The following TMEM131 variants were observed in gnomAD, a reference collection of about 807,000 sequenced individuals.
TMEM131 encodes 2610524E03Rik.
In TMEM131, 66 loss-of-function variants were observed where a neutral mutation model predicts 211.6. The observed-to-expected ratio is 0.31, with a 90% CI of 0.26 to 0.38. The LOEUF (loss-of-function observed/expected upper bound fraction) is 0.38, where lower values mean the gene tolerates loss of function less well. Ranked by LOEUF, TMEM131 falls within the 10% of genes least tolerant of loss-of-function variation. The pLI, the probability that TMEM131 is intolerant of heterozygous loss-of-function variation, is 1.00. For missense variants in TMEM131, 2,036 were observed against 2,299.3 expected, an observed-to-expected ratio of 0.89 and a Z score of 2.34; for synonymous variants, 844 against 841.3, an observed-to-expected ratio of 1.00 and a Z score of -0.06.
At chr2:97,806,844 CTG>C (rs969280368) in intron 19 of TMEM131, among the ~76,000 whole-genome samples, 10 of 152,056 alleles carry the variant, frequency 6.6e-5, no homozygotes, top group African/African-American at 1.9e-4. Context: ...GGCGCAATGA[CTG>C]TGACACTGAG....
In TMEM131 at chr2:97,963,148, C is replaced by T. The variant is rs144568407; in HGVS notation, c.187+32328G>A. Among the ~76,000 whole-genome samples, 165 of 152,240 alleles carry T rather than the reference C, an allele frequency of 1.1e-3. 1 individual carries two copies. The highest frequency in any genetic ancestry group is 3.9e-3 in the African/African-American group (164 of 41,546). On this transcript the variant is annotated intron_variant, in intron 1 of 40. Transcript: ENST00000186436. The stretch of plus-strand genomic sequence containing the variant: ...GCACACTTCAAACTAGTGAATATTA[C>T]TGTATGCAAATTATACCTCAATAGA...
chr2:97,757,153 A>C lies in TMEM131; in HGVS notation c.5598T>G (p.Ile1866Met), dbSNP rs747125636. 5 of 1,613,256 alleles carry C rather than the reference A, an allele frequency of 3.1e-6. No homozygotes were observed. The highest frequency in any genetic ancestry group is 4.2e-6 in the Non-Finnish European group (5 of 1,179,462). The stretch of plus-strand genomic sequence containing the variant: ...ACCAAGGGTCCGAGCTTCTTCTTCC[A>C]ATCGTGGGGCTCCATATCCGCCACG... ...YNPWRIWSPT[I>M]GRRSSDPWSN... Residue 1866 changes from isoleucine to methionine, a missense_variant, in exon 41 of 41, where the codon ATT (isoleucine) becomes ATG (methionine). This residue lies in a region of TMEM131 where 1,623 missense variants were observed against 1,805.9 expected (regional missense o/e 0.90). Transcript: ENST00000186436.
At chr2:97,992,731 T>C (rs556262916) in intron 1 of TMEM131, among the ~76,000 whole-genome samples, 2 of 152,200 alleles carry the variant, frequency 1.3e-5, no homozygotes, top group African/African-American at 4.8e-5. Flanking sequence ...CACATACACA[T>C]GTATTTTCAC....
At chr2:97,966,831 A>C (rs1573627652) in intron 1 of TMEM131, among the ~76,000 whole-genome samples, 2 of 152,224 alleles carry the variant, frequency 1.3e-5, no homozygotes, top group Non-Finnish European at 2.9e-5. Context: ...TAACTTGCTC[A>C]AGGTCACAGT....
At position 97,792,409 on chromosome 2, in the gene TMEM131, G is replaced by A; in HGVS notation, c.4121C>T (p.Pro1374Leu). The A allele has an allele frequency of 1.9e-6, 3 of 1,585,150 alleles. No homozygotes were observed. Among genetic ancestry groups the A allele is most frequent in the Non-Finnish European group, 2.6e-6 (3 of 1,164,306 alleles). Residue 1374 changes from proline to leucine, a missense_variant, in exon 31 of 41, where the codon CCA becomes CTA. Coordinates refer to ENST00000186436, the MANE Select transcript of TMEM131 (RefSeq NM_015348.2). ...ACCTTTGCTTTTTGGCAATGGCGAT[G>A]GAGGCTGCTCTGTAAACACTTCTAG... ...PALEVFTEQP[P>L]SPLPKSKGKG...
rs190443871 is a variant in TMEM131, at chr2:97,875,389, C to G, written c.359+12663G>C. Among the ~76,000 whole-genome samples, 709 of 152,286 alleles carry G rather than the reference C, an allele frequency of 4.7e-3. 5 individuals carry two copies. Among genetic ancestry groups the G allele is most frequent in the South Asian group, 0.017 (84 of 4,818 alleles). Reference sequence around the variant, plus strand: ...AAACCTAATAGACATCTACAGAACTCTCCACCCCTAATCAACAGAATATAT... The same window carrying G: ...AAACCTAATAGACATCTACAGAACTGTCCACCCCTAATCAACAGAATATAT... On this transcript the variant is annotated intron_variant, in intron 4 of 40. Transcript: ENST00000186436.
At chr2:97,771,573 C>T (rs1679464240) in intron 33 of TMEM131, among the ~76,000 whole-genome samples, 1 of 152,236 alleles carries the variant, frequency 6.6e-6, no homozygotes, top group African/African-American at 2.4e-5. Flanking sequence ...GGGTAGACAG[C>T]AGCTCCCGTG....
chr2:97,894,744 T>C (rs1210183207), intron 3 of TMEM131, among the ~76,000 whole-genome samples: 1 of 152,226 alleles, frequency 6.6e-6, no homozygotes, highest in African/African-American at 2.4e-5. Flanking sequence ...TTGCTGAAGT[T>C]GCTTATCAGC....
Position 97,759,766 on chromosome 2 carries a change from G to A in TMEM131, c.5109-17C>T, listed in dbSNP as rs746213389. Reference sequence around the variant, plus strand: ...AAACCCGAGCTAAATGTTACAAGAGGAAAACGCAACACACAAAAATGTATG... The same window carrying A: ...AAACCCGAGCTAAATGTTACAAGAGAAAAACGCAACACACAAAAATGTATG... On this transcript the variant is annotated splice_polypyrimidine_tract_variant and intron_variant, in intron 38 of 40. Transcript: ENST00000186436. 6 of 1,597,190 alleles carry A rather than the reference G, an allele frequency of 3.8e-6. No homozygotes were observed. The highest frequency in any genetic ancestry group is 5.1e-6 in the Non-Finnish European group (6 of 1,169,126).
At chr2:97,889,780 A>G (rs1376212596) in intron 3 of TMEM131, among the ~76,000 whole-genome samples, 1 of 152,146 alleles carries the variant, frequency 6.6e-6, no homozygotes, top group African/African-American at 2.4e-5. Context: ...CATCCATTCA[A>G]TACAAATGTA....
chr2:97,897,830 G>C (rs977492238), intron 3 of TMEM131, among the ~76,000 whole-genome samples: 3 of 152,028 alleles, frequency 2.0e-5, no homozygotes. Flanking sequence ...TACCAGTTTA[G>C]TCATATGAGC....
At chr2:97,965,818 AC>A in intron 1 of TMEM131, among the ~76,000 whole-genome samples, 1 of 152,120 alleles carries the variant, frequency 6.6e-6, no homozygotes, top group East Asian at 1.9e-4. Flanking sequence ...GCTATTTTCT[AC>A]CTTTCTTTTG....
Position 97,995,633 on chromosome 2 carries a change from G to T in TMEM131, c.30C>A (p.Thr10=). The T allele has an allele frequency of 8.1e-7, 1 of 1,227,058 alleles. No homozygotes were observed. Among genetic ancestry groups the T allele is most frequent in the Non-Finnish European group, 1.0e-6 (1 of 984,196 alleles). 76.0% of individuals were successfully genotyped at this position (1,227,058 alleles called of 1,614,324 possible). Reference sequence around the variant, plus strand: ...TGGAGACGGCGGCGGTGGTGGCTCCGGTTGCTCCTCCTCCCGCCCGCTTCC... The same window carrying T: ...TGGAGACGGCGGCGGTGGTGGCTCCTGTTGCTCCTCCTCCCGCCCGCTTCC... MGKRAGGGA[T]GATTAAVSTS... The change falls in exon 1 of 41, where the codon ACC becomes ACA. Residue 10 remains threonine (T), a synonymous_variant. Coordinates refer to ENST00000186436, the MANE Select transcript of TMEM131 (RefSeq NM_015348.2).
At chr2:97,936,069 C>T (rs1410131165) in intron 1 of TMEM131, among the ~76,000 whole-genome samples, 9 of 152,112 alleles carry the variant, frequency 5.9e-5, no homozygotes, top group Non-Finnish European at 5.9e-5. Context: ...CCCAGTGAGG[C>T]CCCACCTGGA....
At chr2:97,852,768 G>C (rs1179864031) in intron 5 of TMEM131, among the ~76,000 whole-genome samples, 2 of 152,212 alleles carry the variant, frequency 1.3e-5, no homozygotes, top group Non-Finnish European at 2.9e-5. Flanking sequence ...ACCATCTAAA[G>C]AGAAGTCAGT....
chr2:97,776,115 G>A lies in TMEM131; in HGVS notation c.4145-97C>T, dbSNP rs1213756090. On this transcript the variant is annotated intron_variant, in intron 31 of 40. Coordinates refer to ENST00000186436, the MANE Select transcript of TMEM131 (RefSeq NM_015348.2). ...GTCACCCAGGCTGGAGTGCAGTGGC[G>A]AGATCTTGGCTCACTGCAAGCTCCG... The A allele has an allele frequency of 2.5e-5, 32 of 1,281,926 alleles. No homozygotes were observed. The East Asian group carries it at 5.3e-4, about 21-fold the overall frequency. 79.4% of individuals were successfully genotyped at this position (1,281,926 alleles called of 1,614,324 possible). A position where few individuals can be genotyped will look rare whatever the true frequency, so the allele number is the denominator to read the frequency against.
chr2:97,957,327 T>A lies in TMEM131; in HGVS notation c.188-29840A>T, dbSNP rs1678617212. The stretch of plus-strand genomic sequence containing the variant: ...TACATAAACTAAATTTTAGCATTAC[T>A]ATGAATTTTAGTTTATTATTTTTAA... On this transcript the variant is annotated intron_variant, in intron 1 of 40. Coordinates refer to ENST00000186436, the MANE Select transcript of TMEM131 (RefSeq NM_015348.2). Among the ~76,000 whole-genome samples, 3 of 152,350 alleles carry A rather than the reference T, an allele frequency of 2.0e-5. No homozygotes were observed. The South Asian group carries it at 6.2e-4, about 32-fold the overall frequency.
Position 97,920,969 on chromosome 2 carries a change from G to C in TMEM131, c.249+6457C>G, listed in dbSNP as rs1455324298. ...CTGAGTGACGCTAATAAAAAATCCC[G>C]AGTGTGTGTGTGTGTGTGTGTGTGT... is the stretch of plus-strand genomic sequence containing the variant. On this transcript the variant is annotated intron_variant, in intron 2 of 40. Coordinates refer to ENST00000186436, the MANE Select transcript of TMEM131 (RefSeq NM_015348.2). Among the ~76,000 whole-genome samples, 7 of 109,066 alleles carry C rather than the reference G, an allele frequency of 6.4e-5. No individual in the cohort carries two copies. The Admixed American group carries it at 6.5e-4, about 10-fold the overall frequency. The allele number at this position is 109,066 out of a possible 152,430, so 71.6% of individuals were successfully genotyped here.
At chr2:97,887,005 C>T (rs888463683) in intron 4 of TMEM131, among the ~76,000 whole-genome samples, 1 of 152,182 alleles carries the variant, frequency 6.6e-6, no homozygotes, top group Non-Finnish European at 1.5e-5. Context: ...GTTTTTCAGG[C>T]GTGGGATGCA....
Sources: allele counts gnomAD v4.1 joint callset (sites outside exome capture counted in the v4.1 genomes callset), GRCh38; gene constraint gnomAD v4.1.1; regional missense constraint gnomAD v4.1.1; transcripts MANE v1.5; gene names NCBI Gene and HGNC (gene_info 2026-07-23, HGNC 2026-07-21).